SERPINB7: variants seen among roughly 807,000 people sequenced by gnomAD.
SERPINB7 encodes serpin B7.
A neutral mutation model predicts 37.4 loss-of-function variants in SERPINB7; 31 were observed. That is an observed-to-expected ratio of 0.83 (90% CI 0.62 to 1.12). The LOEUF (loss-of-function observed/expected upper bound fraction) is 1.12, where lower values mean the gene tolerates loss of function less well. SERPINB7 is among the 50% of genes most tolerant of loss of function. The pLI is 0.00. For synonymous variants in SERPINB7, 163 were observed against 166.1 expected, an observed-to-expected ratio of 0.98 and a Z score of 0.14; for missense variants, 521 against 455.3, an observed-to-expected ratio of 1.14 and a Z score of -1.31.
rs868769068 is a variant in SERPINB7, at chr18:63,754,940, C to T, written c.-19+1820C>T. ...CGGAGTCTCGCTCTGTCGCCCAGGC[C>T]GGACTGCGGACTGCAGTGGCGCAAT... On this transcript the variant is annotated intron_variant, in intron 1 of 7. Transcript: ENST00000336429. Among the ~76,000 whole-genome samples, 434 of 118,078 alleles carry T rather than the reference C, an allele frequency of 3.7e-3. 1 individual carries two copies. Among genetic ancestry groups the T allele is most frequent in the African/African-American group, 0.013 (424 of 31,562 alleles). 77.5% of individuals were successfully genotyped at this position (118,078 alleles called of 152,430 possible). A position where few individuals can be genotyped will look rare whatever the true frequency, so the allele number is the denominator to read the frequency against.
intron 2 of SERPINB7, among the ~76,000 whole-genome samples, chr18:63,787,536 A>T (rs2049384546): frequency 6.6e-6 from 1 of 152,206 alleles, no homozygotes; most frequent in Non-Finnish European, 1.5e-5. Flanking sequence ...CCTGGGTGCC[A>T]CAAGCATTAT....
chr18:63,782,160 G>A (rs1314540529), intron 1 of SERPINB7, among the ~76,000 whole-genome samples, 195 bp from the exon 2 acceptor site: 1 of 152,084 alleles, frequency 6.6e-6, no homozygotes, highest in African/African-American at 2.4e-5. Context: ...CCAACGAGAA[G>A]AGATAGTTTT....
chr18:63,799,849 C>T (rs1341955358), intron 6 of SERPINB7, among the ~76,000 whole-genome samples: 1 of 152,030 alleles, frequency 6.6e-6, no homozygotes, highest in Non-Finnish European at 1.5e-5. Flanking sequence ...ATGTTTTTTC[C>T]TAAAAGGGGA....
At chr18:63,763,122 CTG>C (rs1568200285) in intron 1 of SERPINB7, among the ~76,000 whole-genome samples, 2 of 152,134 alleles carry the variant, frequency 1.3e-5, no homozygotes, top group African/African-American at 4.8e-5. Context: ...TTGCTCTGGA[CTG>C]AGATTGGGCA....
chr18:63,800,766 GCAAAAATTTATTGA>G (rs2049538587), intron 6 of SERPINB7, 86 bp from the exon 7 acceptor site: 1 of 1,380,620 alleles, frequency 7.2e-7, no homozygotes, highest in Non-Finnish European at 9.8e-7. Flanking sequence ...GGTCAACTGA[GCAAAAATTTATTGA>G]CCAAGTACAA....
chr18:63,804,637 A>T lies in SERPINB7; in HGVS notation c.*2A>T. ...AGTGGCAAAGTTTCTTGCCCTTGAA[A>T]ATCCAATTGGTTTCTGTTATAGCAG... On this transcript the variant is annotated 3_prime_UTR_variant, in exon 8 of 8. Transcript: ENST00000398019. 6.2e-7 allele frequency: 1 copy of T among 1,601,134 alleles called. No homozygotes were observed. Among genetic ancestry groups the T allele is most frequent in the Non-Finnish European group, 8.5e-7 (1 of 1,173,434 alleles).
At chr18:63,770,897 A>ACACACT (rs768156854), upstream of SERPINB7, among the ~76,000 whole-genome samples, 2 of 150,666 alleles carry the variant, frequency 1.3e-5, no homozygotes, top group Non-Finnish European at 3.0e-5. Flanking sequence ...ACACACACAC[A>ACACACT]CACTCACTCA....
At chr18:63,764,933 C>T (rs1050555309) in intron 1 of SERPINB7, among the ~76,000 whole-genome samples, 7 of 152,060 alleles carry the variant, frequency 4.6e-5, no homozygotes, top group Non-Finnish European at 1.0e-4. Flanking sequence ...AGTTTCTAAA[C>T]ATAAACCACA....
At chr18:63,783,223 AGAGAG>A (rs2049326144) in intron 2 of SERPINB7, among the ~76,000 whole-genome samples, 489 of 74,332 alleles carry the variant, frequency 6.6e-3, no homozygotes, top group Admixed American at 0.015. Context: ...AGAGAGAGAG[AGAGAG>A]AGAGAGAAAG....
At position 63,782,498 on chromosome 18, in the gene SERPINB7, C is replaced by T. The variant is rs751820974; in HGVS notation, c.126C>T (p.Val42=). The change falls in exon 2 of 8, where the codon GTC becomes GTT. Residue 42 remains valine (V), a synonymous_variant. Transcript: ENST00000398019. ...SLSLFAALAL[V]RLGAQDDSLS... is the part of the protein sequence containing the mutation. ...GCCTCTTCGCTGCCCTGGCCCTGGTCCGCTTGGGCGCTCAAGATGACTCCC... is the reference window on the plus strand; with the variant it reads ...GCCTCTTCGCTGCCCTGGCCCTGGTTCGCTTGGGCGCTCAAGATGACTCCC... 1 of 1,613,836 alleles carries T rather than the reference C, an allele frequency of 6.2e-7. No individual in the cohort carries two copies. The highest frequency in any genetic ancestry group is 1.1e-5 in the South Asian group (1 of 91,026).
intron 6 of SERPINB7, among the ~76,000 whole-genome samples, chr18:63,799,018 A>G (rs754530531): frequency 3.9e-5 from 6 of 152,214 alleles, no homozygotes; most frequent in Non-Finnish European, 8.8e-5. Context: ...GTATCTTAAG[A>G]TATTATAATT....
chr18:63,773,684 G>C (rs537675034), upstream of SERPINB7, among the ~76,000 whole-genome samples: 3 of 152,260 alleles, frequency 2.0e-5, no homozygotes, highest in Admixed American at 2.0e-4. Context: ...GAACTGGCAA[G>C]GCCAATGGAA....
At chr18:63,758,041 C>T (rs943913176) in intron 1 of SERPINB7, among the ~76,000 whole-genome samples, 1 of 152,116 alleles carries the variant, frequency 6.6e-6, no homozygotes, top group Non-Finnish European at 1.5e-5. Context: ...TCTCATGGTG[C>T]GTAGCTTCTC....
chr18:63,761,517 A>G (rs1478968829), intron 1 of SERPINB7, among the ~76,000 whole-genome samples: 1 of 152,152 alleles, frequency 6.6e-6, no homozygotes, highest in African/African-American at 2.4e-5. Context: ...TGAGGACATG[A>G]GATTTGGAGG....
intron 2 of SERPINB7, among the ~76,000 whole-genome samples, chr18:63,783,097 T>C (rs1167356063): frequency 6.6e-6 from 1 of 150,636 alleles, no homozygotes; most frequent in Non-Finnish European, 1.5e-5. Flanking sequence ...GAGATAGCGC[T>C]ACTGCAGTCC....
chr18:63,768,703 C>A (rs1399169941), intron 1 of SERPINB7, among the ~76,000 whole-genome samples: 3 of 151,946 alleles, frequency 2.0e-5, no homozygotes, highest in Non-Finnish European at 4.4e-5. Flanking sequence ...TGAGCTCTGA[C>A]AAATGCAAAA....
At chr18:63,795,618 A>G (rs1315589798) in intron 4 of SERPINB7, among the ~76,000 whole-genome samples, 2 of 151,942 alleles carry the variant, frequency 1.3e-5, no homozygotes, top group Non-Finnish European at 2.9e-5. Flanking sequence ...TGTGGGTGGA[A>G]CCTAGAGAAG....
intron 1 of SERPINB7, among the ~76,000 whole-genome samples, chr18:63,765,821 A>G (rs2049177835): frequency 6.6e-6 from 1 of 152,050 alleles, no homozygotes; most frequent in South Asian, 2.1e-4. Flanking sequence ...CATAGCACTT[A>G]TTATTTATAG....
intron 1 of SERPINB7, among the ~76,000 whole-genome samples, chr18:63,768,968 C>T (rs2049195302): frequency 6.6e-6 from 1 of 152,128 alleles, no homozygotes; most frequent in African/African-American, 2.4e-5. Context: ...GGCTATACCA[C>T]AATTTATCTT....
Sources: allele counts gnomAD v4.1 joint callset (sites outside exome capture counted in the v4.1 genomes callset), GRCh38; gene constraint gnomAD v4.1.1; transcripts MANE v1.5; gene names NCBI Gene and HGNC (gene_info 2026-07-23, HGNC 2026-07-21).